Variants in ADCY2 observed in about 807,000 individuals in gnomAD.
The protein encoded by ADCY2 is adenylate cyclase 2, also known as adenylate cyclase type 2.
Under a neutral mutation model 125.2 loss-of-function variants are expected in ADCY2, and 31 were observed. That is an observed-to-expected ratio of 0.25 (90% CI 0.19 to 0.33). The LOEUF (loss-of-function observed/expected upper bound fraction) is 0.33, where lower values mean the gene tolerates loss of function less well. Ranked by LOEUF, ADCY2 falls within the 10% of genes least tolerant of loss-of-function variation. The probability of loss-of-function intolerance (pLI) is 1.00; values close to 1 mark genes in which losing one functional copy is unlikely to be tolerated. For synonymous variants in ADCY2, 512 were observed against 548.4 expected (o/e 0.93, Z 0.93); for missense variants, 904 against 1,418.2 (o/e 0.64, Z 5.82).
In ADCY2 at chr5:7,445,902, C is replaced by T. The variant is rs137957034; in HGVS notation, c.408+31132C>T. Among the ~76,000 whole-genome samples, 253 of 152,264 alleles carry T rather than the reference C, an allele frequency of 1.7e-3. 5 individuals are homozygous for T. Among genetic ancestry groups the T allele is most frequent in the Non-Finnish European group, 2.7e-3 (187 of 68,014 alleles). ...CTTTTAATGCACTTTTGAATCTTCACACAGTTTTATCTGCATATAAAGATT... is the reference window on the plus strand; with the variant it reads ...CTTTTAATGCACTTTTGAATCTTCATACAGTTTTATCTGCATATAAAGATT... On this transcript the variant is annotated intron_variant, in intron 2 of 24. Coordinates refer to ENST00000338316, the MANE Select transcript of ADCY2 (RefSeq NM_020546.3).
At chr5:7,772,307 A>G (rs1743579927) in intron 17 of ADCY2, among the ~76,000 whole-genome samples, 1 of 152,146 alleles carries the variant, frequency 6.6e-6, no homozygotes, top group Admixed American at 6.5e-5. Flanking sequence ...AAGATGGAAG[A>G]TACCAGCTCG....
At chr5:7,711,687 G>A (rs925824662) in intron 10 of ADCY2, among the ~76,000 whole-genome samples, 2 of 152,174 alleles carry the variant, frequency 1.3e-5, no homozygotes, top group African/African-American at 4.8e-5. Flanking sequence ...CCTTCTTCAA[G>A]ATATGGCCAG....
At chr5:7,565,609 A>G (rs939295107) in intron 3 of ADCY2, among the ~76,000 whole-genome samples, 6 of 152,230 alleles carry the variant, frequency 3.9e-5, no homozygotes, top group African/African-American at 1.2e-4. Flanking sequence ...TTGAGCTACA[A>G]ATAAAATTGA....
chr5:7,773,243 C>G, intron 18 of ADCY2, 142 bp downstream of exon 18: 1 of 852,562 alleles, frequency 1.2e-6, no homozygotes, highest in South Asian at 1.9e-5. Context: ...AGTGATGCCT[C>G]AGAAAGACAA....
intron 15 of ADCY2, among the ~76,000 whole-genome samples, chr5:7,752,712 A>T: frequency 6.6e-6 from 1 of 151,112 alleles, no homozygotes; most frequent in African/African-American, 2.4e-5. Flanking sequence ...GAAAAAAAAA[A>T]GGAAAGAGAG....
chr5:7,479,423 G>A (rs1364959938), intron 2 of ADCY2, among the ~76,000 whole-genome samples: 2 of 151,950 alleles, frequency 1.3e-5, no homozygotes, highest in East Asian at 1.9e-4. Flanking sequence ...TAATAAAATG[G>A]AGGAATCATT....
chr5:7,479,431 A>C (rs930565262), intron 2 of ADCY2, among the ~76,000 whole-genome samples: 1 of 152,056 alleles, frequency 6.6e-6, no homozygotes, highest in Non-Finnish European at 1.5e-5. Context: ...TGGAGGAATC[A>C]TTATATTTTA....
At chr5:7,804,021 G>A (rs554104310) in intron 21 of ADCY2, among the ~76,000 whole-genome samples, 7 of 104,638 alleles carry the variant, frequency 6.7e-5, no homozygotes, top group Admixed American at 5.4e-4. Context: ...CTTCTCTTAG[G>A]CCTCCCATGG....
chr5:7,528,759 A>T (rs545382559), intron 3 of ADCY2, among the ~76,000 whole-genome samples: 9 of 152,270 alleles, frequency 5.9e-5, no homozygotes, highest in African/African-American at 1.9e-4. Flanking sequence ...TTTTTCTCTT[A>T]ATTTCCCCAA....
chr5:7,459,776 T>C (rs1741846185), intron 2 of ADCY2, among the ~76,000 whole-genome samples: 1 of 75,614 alleles, frequency 1.3e-5, no homozygotes, highest in Non-Finnish European at 2.4e-5. Flanking sequence ...GAGGTAATTT[T>C]TTTTTTTTTT....
intron 4 of ADCY2, among the ~76,000 whole-genome samples, chr5:7,643,092 A>G (rs1028963432): frequency 1.3e-5 from 2 of 150,046 alleles, no homozygotes; most frequent in Admixed American, 6.6e-5. Context: ...TTTTTTTCAG[A>G]TTTTCAAATG....
intron 7 of ADCY2, among the ~76,000 whole-genome samples, chr5:7,703,503 T>G (rs1741158406): frequency 6.6e-6 from 1 of 152,174 alleles, no homozygotes; most frequent in African/African-American, 2.4e-5. Context: ...ATTTCTTGTT[T>G]TTGTCAGGTT....
At chr5:7,619,180 C>T (rs570522534) in intron 3 of ADCY2, among the ~76,000 whole-genome samples, 1 of 152,262 alleles carries the variant, frequency 6.6e-6, no homozygotes, top group South Asian at 2.1e-4. Flanking sequence ...GACTTGTTGC[C>T]TGACCAAATA....
At position 7,698,392 on chromosome 5, in the gene ADCY2, T is replaced by G. The variant is rs749823331; in HGVS notation, c.1109+18T>G. 1 of 1,613,832 alleles carries G rather than the reference T, an allele frequency of 6.2e-7. No homozygotes were observed. Among genetic ancestry groups the G allele is most frequent in the Admixed American group, 1.7e-5 (1 of 60,012 alleles). On this transcript the variant is annotated intron_variant, in intron 7 of 24. Coordinates refer to ENST00000338316, the MANE Select transcript of ADCY2 (RefSeq NM_020546.3). ...GCCATAAAGTAAGTGGACTGCTTAG[T>G]AAGCATTTTGTTATATGCTTTAAGT...
chr5:7,532,823 T>C (rs1734694143), intron 3 of ADCY2, among the ~76,000 whole-genome samples: 1 of 152,090 alleles, frequency 6.6e-6, no homozygotes, highest in Non-Finnish European at 1.5e-5. Flanking sequence ...AATTCGTGGC[T>C]TGATCCTTTT....
rs371560263 is a variant in ADCY2 at position 7,495,121 on chromosome 5, A to G, written c.409-25617A>G. 2.6e-5 allele frequency among the ~76,000 whole-genome samples: 4 copies of G among 152,348 alleles called. No individual in the cohort carries two copies. The South Asian group carries it at 6.2e-4, about 24-fold the overall frequency. On this transcript the variant is annotated intron_variant, in intron 2 of 24. Transcript: ENST00000338316. Reference sequence around the variant, plus strand: ...ACCCATATTTAATATCCTGGTGACTATCTTTAGTGCAGTCTAGTCTATAAG... The same window carrying G: ...ACCCATATTTAATATCCTGGTGACTGTCTTTAGTGCAGTCTAGTCTATAAG...
chr5:7,416,649 C>T (rs889897393), intron 2 of ADCY2, among the ~76,000 whole-genome samples: 1 of 152,180 alleles, frequency 6.6e-6, no homozygotes, highest in African/African-American at 2.4e-5. Flanking sequence ...ACCACGACTG[C>T]AGGATCAATA....
intron 16 of ADCY2, among the ~76,000 whole-genome samples, chr5:7,765,536 C>T (rs891877893): frequency 2.0e-5 from 3 of 151,854 alleles, no homozygotes; most frequent in African/African-American, 7.3e-5. Flanking sequence ...GCAGAAATAC[C>T]GTATCTCGTA....
intron 4 of ADCY2, among the ~76,000 whole-genome samples, chr5:7,641,539 A>G (rs1028373421): frequency 6.6e-6 from 1 of 152,136 alleles, no homozygotes; most frequent in African/African-American, 2.4e-5. Context: ...CAAGATTATC[A>G]CCAATGATAT....
Sources: gnomAD v4.1 joint callset for allele counts (sites outside exome capture counted in the v4.1 genomes callset) on GRCh38, gnomAD v4.1.1 for gene constraint, MANE v1.5 for transcripts, NCBI Gene and HGNC (gene_info 2026-07-23, HGNC 2026-07-21) for gene names.